OSTN: variants seen among roughly 807,000 people sequenced by gnomAD.
OSTN encodes osteocrin.
A neutral mutation model predicts 12.0 loss-of-function variants in OSTN; 9 were observed. The observed-to-expected ratio is 0.75, with a 90% confidence interval of 0.45 to 1.30. OSTN has a LOEUF of 1.30. Ranked by LOEUF, OSTN falls within the 50% of genes most tolerant of loss-of-function variation. OSTN has a pLI of 0.00. For synonymous variants in OSTN, 59 were observed against 56.9 expected (o/e 1.04, Z -0.16); for missense variants, 148 against 152.3 (o/e 0.97, Z 0.15).
In OSTN at chr3:191,203,612, C is replaced by A. The variant is rs1214197536; in HGVS notation, c.-1+4305C>A. 2.0e-5 allele frequency among the ~76,000 whole-genome samples: 3 copies of A among 152,190 alleles called. No individual in the cohort carries two copies. The East Asian group carries it at 5.8e-4, about 29-fold the overall frequency. ...CTTATCATTCTTCCTAATTTGTTGC[C>A]TTCAGGGACAGTCATTTTAAAATGT... On this transcript the variant is annotated intron_variant, in intron 1 of 4. Coordinates refer to ENST00000682035, the MANE Select transcript of OSTN (RefSeq NM_198184.2).
intron 4 of OSTN, among the ~76,000 whole-genome samples, chr3:191,261,413 G>C (rs971132126): frequency 2.6e-5 from 4 of 152,200 alleles, no homozygotes; most frequent in Non-Finnish European, 4.4e-5. Flanking sequence ...GGTTATGGGA[G>C]AGAGAAAGAG....
rs1449332841 is a variant in OSTN at position 191,218,945 on chromosome 3, C to CTTG, written c.301_302insTTG (p.His101delinsLeuAsp). The CTTG allele has an allele frequency of 6.2e-7, 1 of 1,613,636 alleles. No individual in the cohort carries two copies. The highest frequency in any genetic ancestry group is 1.7e-5 in the Admixed American group (1 of 59,964). ...CAGACTCTCAGCTGGCTCTGTAGAT[C>CTTG]ACAAAGGTAAACAGAGGTAAGTGAA... On this transcript the variant is annotated protein_altering_variant, in exon 3 of 5. Transcript: ENST00000682035.
intron 3 of OSTN, among the ~76,000 whole-genome samples, chr3:191,247,091 A>C (rs546261468): frequency 5.8e-4 from 89 of 152,332 alleles, no homozygotes; most frequent in African/African-American, 1.9e-3. Context: ...CACGAGGAAA[A>C]TAACTGCGTA....
At chr3:191,214,018 G>A (rs1414805048) in intron 2 of OSTN, among the ~76,000 whole-genome samples, 2 of 152,022 alleles carry the variant, frequency 1.3e-5, no homozygotes, top group Non-Finnish European at 2.9e-5. Flanking sequence ...CCATATTGTG[G>A]GATTTGTGCT....
At chr3:191,261,195 T>G (rs1715801672) in intron 4 of OSTN, among the ~76,000 whole-genome samples, 1 of 152,178 alleles carries the variant, frequency 6.6e-6, no homozygotes, top group South Asian at 2.1e-4. Flanking sequence ...TTTGCCCCTC[T>G]GAAGGTTTGC....
chr3:191,247,429 A>G (rs1473475891), intron 3 of OSTN, among the ~76,000 whole-genome samples: 1 of 152,222 alleles, frequency 6.6e-6, no homozygotes, highest in African/African-American at 2.4e-5. Flanking sequence ...GAGTAAGGAT[A>G]AGGATTAAAT....
chr3:191,233,543 T>C (rs1214435538), intron 3 of OSTN, among the ~76,000 whole-genome samples: 1 of 152,088 alleles, frequency 6.6e-6, no homozygotes, highest in African/African-American at 2.4e-5. Flanking sequence ...TTCTAGCGAT[T>C]CTCCTGCCTC....
At chr3:191,206,186 C>T (rs761695003) in intron 1 of OSTN, among the ~76,000 whole-genome samples, 4 of 116,246 alleles carry the variant, frequency 3.4e-5, no homozygotes, top group Non-Finnish European at 7.0e-5. Context: ...AACTCCATCT[C>T]AGAAAAAAAA....
At chr3:191,256,437 C>G (rs1715672353) in intron 4 of OSTN, among the ~76,000 whole-genome samples, 1 of 151,980 alleles carries the variant, frequency 6.6e-6, no homozygotes. Context: ...TATCAAACAT[C>G]AAAAGTTTAA....
intron 1 of OSTN, among the ~76,000 whole-genome samples, chr3:191,210,680 C>T (rs1714396736): frequency 6.6e-6 from 1 of 152,110 alleles, no homozygotes; most frequent in South Asian, 2.1e-4. Flanking sequence ...ATTCTAGCAC[C>T]CATTTGCTCT....
intron 1 of OSTN, among the ~76,000 whole-genome samples, chr3:191,200,922 C>T (rs1714138366): frequency 2.0e-5 from 3 of 152,236 alleles, no homozygotes; most frequent in South Asian, 2.1e-4. Context: ...GTTCTGACTT[C>T]GACAGCTTTA....
At chr3:191,259,442 C>CCGCCACCT (rs1454593287) in intron 4 of OSTN, among the ~76,000 whole-genome samples, 17 of 151,600 alleles carry the variant, frequency 1.1e-4, no homozygotes, top group Non-Finnish European at 1.8e-4. Flanking sequence ...ACATCATGAT[C>CCGCCACCT]CACCCGCCTT....
intron 4 of OSTN, among the ~76,000 whole-genome samples, chr3:191,258,707 A>C (rs1471144011): frequency 6.6e-6 from 1 of 152,040 alleles, no homozygotes; most frequent in Non-Finnish European, 1.5e-5. Context: ...GGTACCCCCA[A>C]AAGAGGAAAG....
chr3:191,223,027 T>C (rs1714809724), intron 3 of OSTN, among the ~76,000 whole-genome samples: 1 of 152,150 alleles, frequency 6.6e-6, no homozygotes, highest in Non-Finnish European at 1.5e-5. Context: ...AATTTAAAAT[T>C]AAATTAAAAT....
chr3:191,212,738 G>T, intron 2 of OSTN, 104 bp downstream of exon 2: 1 of 221,914 alleles, frequency 4.5e-6, no homozygotes, highest in Non-Finnish European at 8.2e-6. Context: ...TTTCATATAC[G>T]TAAATATAAT....
rs562415322 is a variant in OSTN at position 191,210,732 on chromosome 3, A to G, written c.1-1801A>G. On this transcript the variant is annotated intron_variant, in intron 1 of 4. Coordinates refer to ENST00000682035, the MANE Select transcript of OSTN (RefSeq NM_198184.2). Reference sequence around the variant, plus strand: ...TTCCAAATGACTTTTTTTTAAGAAAATAGAGTTTCTTGAGACTTGTCATTC... The same window carrying G: ...TTCCAAATGACTTTTTTTTAAGAAAGTAGAGTTTCTTGAGACTTGTCATTC... 2.6e-5 allele frequency among the ~76,000 whole-genome samples: 4 copies of G among 152,272 alleles called. No homozygotes were observed. In the South Asian group the frequency reaches 8.3e-4, roughly 32 times the overall value.
intron 4 of OSTN, among the ~76,000 whole-genome samples, chr3:191,262,588 G>C (rs1360617728): frequency 6.6e-6 from 1 of 152,172 alleles, no homozygotes; most frequent in Non-Finnish European, 1.5e-5. Context: ...GTTGGTACTT[G>C]AGGAAAGGAG....
intron 3 of OSTN, among the ~76,000 whole-genome samples, chr3:191,245,006 T>C (rs1036188283): frequency 1.3e-5 from 2 of 152,166 alleles, no homozygotes; most frequent in African/African-American, 2.4e-5. Context: ...GGAAGGTCTG[T>C]CAGGGGCCAC....
chr3:191,245,480 T>A (rs532022803), intron 3 of OSTN, among the ~76,000 whole-genome samples: 4 of 152,196 alleles, frequency 2.6e-5, no homozygotes, highest in African/African-American at 9.6e-5. Context: ...AGTAAGTAAA[T>A]CAAGTAGAAC....
Sources: allele counts gnomAD v4.1 joint callset (sites outside exome capture counted in the v4.1 genomes callset), GRCh38; gene constraint gnomAD v4.1.1; transcripts MANE v1.5; gene names NCBI Gene and HGNC (gene_info 2026-07-23, HGNC 2026-07-21).